KSR1: variants seen among roughly 807,000 people sequenced by gnomAD.
KSR1 encodes kinase suppressor of ras 1.
In KSR1, 35 loss-of-function variants were observed where a neutral mutation model predicts 92.9. That is an observed-to-expected ratio of 0.38 (90% confidence interval 0.29 to 0.50). KSR1 has a LOEUF of 0.50. Ranked by LOEUF, KSR1 falls within the 20% of genes least tolerant of loss-of-function variation. The pLI is 0.94. For missense variants in KSR1, 972 were observed against 1,158.5 expected, an observed-to-expected ratio of 0.84 and a Z score of 2.34; for synonymous variants, 467 against 472.6, an observed-to-expected ratio of 0.99 and a Z score of 0.15.
Position 27,550,684 on chromosome 17 carries a change from C to G in KSR1, c.348C>G (p.Phe116Leu), listed in dbSNP as rs747671427. 1.3e-6 allele frequency: 1 copy of G among 763,608 alleles called. No homozygotes were observed. The highest frequency in any genetic ancestry group is 2.4e-6 in the Non-Finnish European group (1 of 417,804). The allele number at this position is 763,608 out of a possible 1,614,324, so 47.3% of individuals were successfully genotyped here. ...GCTTCAGCGACTGGCTGTACACTTTCAACGTGAGGCCGGAGGTGGTGCAGG... is the reference window on the plus strand; with the variant it reads ...GCTTCAGCGACTGGCTGTACACTTTGAACGTGAGGCCGGAGGTGGTGCAGG... ...YPRFSDWLYT[F>L]NVRPEVVQEI... The change falls in exon 2 of 21, where the codon TTC (phenylalanine) becomes TTG (leucine). Residue 116 changes from phenylalanine (F) to leucine (L), a missense_variant. By Grantham distance (22) the Phe-to-Leu change is conservative. This residue lies in a region of KSR1 where 611 missense variants were observed against 668.0 expected (regional missense o/e 0.91). Coordinates refer to ENST00000644974, the MANE Select transcript of KSR1 (RefSeq NM_001394583.1).
At chr17:27,553,162 A>G (rs2071459150) in intron 2 of KSR1, among the ~76,000 whole-genome samples, 1 of 152,208 alleles carries the variant, frequency 6.6e-6, no homozygotes, top group Non-Finnish European at 1.5e-5. Flanking sequence ...AAATGGGAAT[A>G]ACCCATGTGC....
rs2072572734 is a variant in KSR1, at chr17:27,577,792, A to T, written c.520+153A>T. On this transcript the variant is annotated intron_variant, in intron 3 of 20. Coordinates refer to ENST00000644974, the MANE Select transcript of KSR1 (RefSeq NM_001394583.1). This position sits in a 1 kb window ranked among gnomAD's most constrained non-coding sequence, Gnocchi z 4.5. ...GGTTGGATGTTCACAGCCTCCTGAG[A>T]AGCTCTCCCAGGGTCCTCAGGGCTC... The T allele has an allele frequency of 1.1e-5, 8 of 728,982 alleles. No homozygotes were observed. The highest frequency in any genetic ancestry group is 8.9e-5 in the South Asian group (6 of 67,216). 45.2% of individuals were successfully genotyped at this position (728,982 alleles called of 1,614,324 possible).
At chr17:27,621,876 T>C (rs534001627) in intron 20 of KSR1, 181 of 1,600,860 alleles carry the variant, frequency 1.1e-4, no homozygotes, top group African/African-American at 8.6e-4. Context: ...AGGCTCTGCA[T>C]TGGGGCTATG....
intron 1 of KSR1, among the ~76,000 whole-genome samples, chr17:27,506,870 T>G (rs1415161867): frequency 6.6e-6 from 1 of 152,028 alleles, no homozygotes; most frequent in African/African-American, 2.4e-5. Context: ...CCCCCAGCTG[T>G]CAGAGAAGTT....
chr17:27,560,270 A>ATTTTTTTTTTTT, intron 2 of KSR1: 1 of 375,770 alleles, frequency 2.7e-6, no homozygotes, highest in Non-Finnish European at 5.2e-6. Flanking sequence ...GCATGGAGCC[A>ATTTTTTTTTTTT]TTTTTTTTTT....
At chr17:27,521,661 T>C (rs2070039615) in intron 1 of KSR1, among the ~76,000 whole-genome samples, 1 of 151,934 alleles carries the variant, frequency 6.6e-6, no homozygotes, top group South Asian at 2.1e-4. Context: ...TCAAACTCCC[T>C]AGGCTCAAGT....
chr17:27,509,020 C>T (rs555457074), intron 1 of KSR1, among the ~76,000 whole-genome samples: 1 of 152,104 alleles, frequency 6.6e-6, no homozygotes, highest in African/African-American at 2.4e-5. Flanking sequence ...CATGAGCCAC[C>T]GTTCCCAGCC....
intron 1 of KSR1, among the ~76,000 whole-genome samples, chr17:27,503,577 C>T (rs2069268470): frequency 6.6e-6 from 1 of 152,168 alleles, no homozygotes; most frequent in South Asian, 2.1e-4. Context: ...TGCTCAAATC[C>T]TGCTTGTGGT....
intron 1 of KSR1, among the ~76,000 whole-genome samples, chr17:27,514,487 C>T (rs1347386463): frequency 2.0e-5 from 3 of 151,938 alleles, no homozygotes; most frequent in South Asian, 2.1e-4. Context: ...GGTGAAACCC[C>T]GTCTCTATTA....
intron 1 of KSR1, among the ~76,000 whole-genome samples, chr17:27,471,311 G>A (rs529770806): frequency 4.1e-4 from 63 of 152,330 alleles, no homozygotes; most frequent in African/African-American, 1.5e-3. Flanking sequence ...ACAGACAGAC[G>A]TGCTCTCAGA....
chr17:27,460,229 A>G (rs1431704155), intron 1 of KSR1, among the ~76,000 whole-genome samples: 4 of 152,200 alleles, frequency 2.6e-5, no homozygotes, highest in African/African-American at 7.2e-5. Flanking sequence ...CCTGCAACCT[A>G]TGCCAGTAAT....
intron 18 of KSR1, among the ~76,000 whole-genome samples, chr17:27,615,444 C>G (rs1337936182): frequency 6.6e-6 from 1 of 152,232 alleles, no homozygotes; most frequent in African/African-American, 2.4e-5. Context: ...CACATTTGGA[C>G]CATGGCTTTC....
At chr17:27,578,073 T>C (rs2151156736) in intron 3 of KSR1, 1 of 285,106 alleles carries the variant, frequency 3.5e-6, no homozygotes, top group East Asian at 1.2e-4. Flanking sequence ...AGGGAAACTC[T>C]ATGGCTCTTT....
rs1337690882 is a variant in KSR1 at position 27,604,660 on chromosome 17, C to T, written c.1566-20C>T. The T allele has an allele frequency of 6.8e-6, 11 of 1,613,460 alleles. No homozygotes were observed. Among genetic ancestry groups the T allele is most frequent in the Non-Finnish European group, 9.3e-6 (11 of 1,179,464 alleles). ...GCGGTGTTCCTCAAGGTCTCCTTGA[C>T]AAACCTTGTTTACTCTTAGGCTCGA... On this transcript the variant is annotated intron_variant, in intron 12 of 20. Coordinates refer to ENST00000644974, the MANE Select transcript of KSR1 (RefSeq NM_001394583.1).
At chr17:27,466,868 C>T (rs2019725673) in intron 1 of KSR1, among the ~76,000 whole-genome samples, 1 of 152,238 alleles carries the variant, frequency 6.6e-6, no homozygotes, top group South Asian at 2.1e-4. Context: ...AGAAAGAGCG[C>T]TGGTTCCACC....
At chr17:27,582,081 T>G (rs1345575954) in intron 3 of KSR1, among the ~76,000 whole-genome samples, 1 of 152,146 alleles carries the variant, frequency 6.6e-6, no homozygotes, top group East Asian at 1.9e-4. Context: ...CTTCGGTTTC[T>G]GAGGTCACCC....
intron 1 of KSR1, among the ~76,000 whole-genome samples, chr17:27,477,716 C>CTT (rs1001733229): frequency 5.5e-5 from 8 of 144,226 alleles, no homozygotes; most frequent in Non-Finnish European, 7.7e-5. Flanking sequence ...CTGTTCTCTT[C>CTT]TTTTTTTTTT....
chr17:27,603,957 G>A, intron 12 of KSR1, 69 bp downstream of exon 12: 5 of 1,472,530 alleles, frequency 3.4e-6, no homozygotes, highest in Non-Finnish European at 4.7e-6. Context: ...CATATCCCTG[G>A]CCACCTCCCA....
At chr17:27,621,723 G>A (rs2074229051) in intron 20 of KSR1, among the ~76,000 whole-genome samples, 1 of 152,178 alleles carries the variant, frequency 6.6e-6, no homozygotes, top group Non-Finnish European at 1.5e-5. Context: ...CGGGAGCTTA[G>A]AGAGGGTTCT....
Sources: gnomAD v4.1 joint callset for allele counts (sites outside exome capture counted in the v4.1 genomes callset) on GRCh38, gnomAD v4.1.1 for gene constraint, gnomAD v4.1.1 regional missense constraint, Gnocchi (gnomAD v3.1) non-coding constraint, MANE v1.5 for transcripts, NCBI Gene and HGNC (gene_info 2026-07-23, HGNC 2026-07-21) for gene names.